The following WFDC11 variants were observed in gnomAD, a reference collection of about 807,000 sequenced individuals.
WFDC11 encodes the protein WAP four-disulfide core domain 11, also known as protein WFDC11.
WFDC11 carries 9 observed loss-of-function variants against 9.9 expected under a neutral mutation model. The ratio of observed to expected loss-of-function variants is 0.91; its 90% CI spans 0.55 to 1.58. The LOEUF is 1.58. Ranked by LOEUF, WFDC11 falls within the 40% of genes most tolerant of loss-of-function variation. The probability of loss-of-function intolerance (pLI) is 0.00; values close to 1 mark genes in which losing one functional copy is unlikely to be tolerated. For synonymous variants in WFDC11, 32 were observed against 33.3 expected (o/e 0.96, Z 0.13); for missense variants, 106 against 101.7 (o/e 1.04, Z -0.18).
intron 3 of WFDC11, 114 bp downstream of exon 3, chr20:45,650,387 T>C: frequency 1.3e-6 from 1 of 750,256 alleles, no homozygotes; most frequent in Non-Finnish European, 2.3e-6. Context: ...CTCTGATGGG[T>C]GATACTACGA....
chr20:45,648,638 A>C lies in WFDC11; in HGVS notation c.*81T>G. The C allele has an allele frequency of 6.8e-7, 1 of 1,479,350 alleles. No individual in the cohort carries two copies. The allele number at this position is 1,479,350 out of a possible 1,614,324, so 91.6% of individuals were successfully genotyped here. On this transcript the variant is annotated 3_prime_UTR_variant, in exon 5 of 5. Transcript: ENST00000324384. Reference sequence around the variant, plus strand: ...GTAAAAATAGACTGGTGTTCCTAAAAGTAGCCACAGGGTACTACTATGAGA... The same window carrying C: ...GTAAAAATAGACTGGTGTTCCTAAACGTAGCCACAGGGTACTACTATGAGA...
At chr20:45,660,830 G>C (rs1983043312) in intron 2 of WFDC11, among the ~76,000 whole-genome samples, 1 of 152,122 alleles carries the variant, frequency 6.6e-6, no homozygotes, top group Non-Finnish European at 1.5e-5. Flanking sequence ...TGGACATTTG[G>C]CTCGGTTCCA....
chr20:45,660,614 G>A (rs1823693503), intron 2 of WFDC11, among the ~76,000 whole-genome samples: 1 of 151,942 alleles, frequency 6.6e-6, no homozygotes, highest in African/African-American at 2.4e-5. Flanking sequence ...CCCTTTCTGT[G>A]TCCATGTGTT....
chr20:45,649,369 C>A lies in WFDC11; in HGVS notation c.131G>T (p.Gly44Val). Residue 44 changes from glycine (G) to valine (V), a missense_variant, in exon 4 of 5, where the codon GGA becomes GTA. Transcript: ENST00000324384. ...RKELLLEECW[G>V]KPNVKECTNK... Reference sequence around the variant, plus strand: ...GGTACATTCTTTGACATTTGGCTTTCCCCAGCATTCTTCAAGTAACAATTC... The same window carrying A: ...GGTACATTCTTTGACATTTGGCTTTACCCAGCATTCTTCAAGTAACAATTC... The A allele has an allele frequency of 6.2e-7, 1 of 1,614,092 alleles. No individual in the cohort carries two copies. The highest frequency in any genetic ancestry group is 1.3e-5 in the African/African-American group (1 of 75,052).
At chr20:45,661,133 A>G (rs1302638585) in intron 2 of WFDC11, among the ~76,000 whole-genome samples, 1 of 152,100 alleles carries the variant, frequency 6.6e-6, no homozygotes, top group Non-Finnish European at 1.5e-5. Flanking sequence ...ATGGTATCCC[A>G]TTGTGGTTTT....
intron 1 of WFDC11, among the ~76,000 whole-genome samples, chr20:45,669,451 G>A (rs1305933495): frequency 6.6e-6 from 1 of 152,144 alleles, no homozygotes; most frequent in Non-Finnish European, 1.5e-5. Flanking sequence ...ACAGCATTAT[G>A]TATAAAAACA....
At position 45,665,524 on chromosome 20, in the gene WFDC11, CT is replaced by C. The variant is rs530707785; in HGVS notation, c.-52+1563del. On this transcript the variant is annotated intron_variant, in intron 2 of 4. Transcript: ENST00000324384. ...CTGGTTTTTAGAATTTTAAGCTTTTCTGCTCTGGTTTCTCCCCATCTTTGTG... is the reference window on the plus strand; with the variant it reads ...CTGGTTTTTAGAATTTTAAGCTTTTCGCTCTGGTTTCTCCCCATCTTTGTG... 3.5e-4 allele frequency among the ~76,000 whole-genome samples: 54 copies of C among 152,324 alleles called. 1 individual carries two copies. In the South Asian group the frequency reaches 6.6e-3, roughly 19 times the overall value.
At chr20:45,660,674 T>C (rs899652389) in intron 2 of WFDC11, among the ~76,000 whole-genome samples, 1 of 152,158 alleles carries the variant, frequency 6.6e-6, no homozygotes, top group Non-Finnish European at 1.5e-5. Context: ...TGTTTGGTTT[T>C]TTTGTTCTTG....
At chr20:45,668,687 A>G (rs1366843058) in intron 1 of WFDC11, among the ~76,000 whole-genome samples, 1 of 152,132 alleles carries the variant, frequency 6.6e-6, no homozygotes, top group African/African-American at 2.4e-5. Context: ...ATATATTTTT[A>G]TATAGTGGAT....
chr20:45,654,669 A>G (rs1455706926), intron 2 of WFDC11, among the ~76,000 whole-genome samples: 1 of 152,192 alleles, frequency 6.6e-6, no homozygotes, highest in Non-Finnish European at 1.5e-5. Context: ...GATCAACAAA[A>G]CTGATAGACT....
At chr20:45,650,747 CT>C in intron 2 of WFDC11, 96 bp from the exon 3 acceptor site, 1 of 666,202 alleles carries the variant, frequency 1.5e-6, no homozygotes, top group South Asian at 2.0e-5. Context: ...ACTATTCCCC[CT>C]AGGCCTCTGC....
chr20:45,656,481 C>T (rs541952086), intron 2 of WFDC11, among the ~76,000 whole-genome samples: 114 of 152,246 alleles, frequency 7.5e-4, no homozygotes, highest in African/African-American at 2.0e-3. Flanking sequence ...ACCATAAAAA[C>T]CCTGGAAGAA....
chr20:45,660,145 G>A (rs1025922336), intron 2 of WFDC11, among the ~76,000 whole-genome samples: 1 of 152,096 alleles, frequency 6.6e-6, no homozygotes, highest in African/African-American at 2.4e-5. Context: ...TTTGATGTAG[G>A]CATTTAGGGG....
intron 2 of WFDC11, among the ~76,000 whole-genome samples, chr20:45,664,102 G>A (rs559509071): frequency 9.7e-4 from 147 of 152,254 alleles, no homozygotes; most frequent in African/African-American, 3.4e-3. Flanking sequence ...ATGAATCTGG[G>A]TGCTCCCGTA....
intron 2 of WFDC11, among the ~76,000 whole-genome samples, chr20:45,652,743 T>C (rs940953877): frequency 1.3e-5 from 2 of 152,122 alleles, no homozygotes; most frequent in African/African-American, 4.8e-5. Context: ...AAAGGAATTC[T>C]GATGGAGCTG....
At chr20:45,662,010 G>A (rs1983079303) in intron 2 of WFDC11, among the ~76,000 whole-genome samples, 1 of 152,166 alleles carries the variant, frequency 6.6e-6, no homozygotes, top group African/African-American at 2.4e-5. Context: ...ACCTTGGACA[G>A]TATGGCCATT....
chr20:45,652,490 G>T (rs1206678451), intron 2 of WFDC11, among the ~76,000 whole-genome samples: 2 of 152,168 alleles, frequency 1.3e-5, no homozygotes, highest in African/African-American at 4.8e-5. Context: ...GGGAAAAACA[G>T]AGCAGAAAAA....
intron 2 of WFDC11, 111 bp from the exon 3 acceptor site, chr20:45,650,762 C>G (rs1982789399): frequency 6.7e-6 from 4 of 596,730 alleles, no homozygotes; most frequent in African/African-American, 1.9e-5. Context: ...CCTCTGCCTA[C>G]CCAACAACTG....
In WFDC11 at chr20:45,650,650, T is replaced by C. The variant is rs371009002; in HGVS notation, c.-50A>G. 6.1e-6 allele frequency: 9 copies of C among 1,480,478 alleles called. No homozygotes were observed. Among genetic ancestry groups the C allele is most frequent in the Non-Finnish European group, 8.5e-6 (9 of 1,059,068 alleles). 91.7% of individuals were successfully genotyped at this position (1,480,478 alleles called of 1,614,324 possible). A position where few individuals can be genotyped will look rare whatever the true frequency, so the allele number is the denominator to read the frequency against. On this transcript the variant is annotated splice_region_variant and 5_prime_UTR_variant, in exon 3 of 5. Coordinates refer to ENST00000324384, the MANE Select transcript of WFDC11 (RefSeq NM_147197.2). ...AAGGATTATTTTTCTTCCCAGTCGC[T>C]GCTAGAGATCAAGACATATAAATAG... is the stretch of plus-strand genomic sequence containing the variant.
Sources: allele counts gnomAD v4.1 joint callset (sites outside exome capture counted in the v4.1 genomes callset), GRCh38; gene constraint gnomAD v4.1.1; transcripts MANE v1.5; gene names NCBI Gene and HGNC (gene_info 2026-07-23, HGNC 2026-07-21).